Variants in IFT140 observed in about 807,000 individuals in gnomAD.
The protein encoded by IFT140 is intraflagellar transport protein 140 homolog.
In IFT140, 133 loss-of-function variants were observed where a neutral mutation model predicts 164.6. That is an observed-to-expected ratio of 0.81 (90% CI 0.70 to 0.93). IFT140 has a LOEUF of 0.93. Among genes scored for constraint, IFT140 ranks in the 40% least tolerant of loss-of-function variants. IFT140 has a pLI of 0.00. For synonymous variants in IFT140, 860 were observed against 817.3 expected, an observed-to-expected ratio of 1.05 and a Z score of -0.89; for missense variants, 2,045 against 1,972.3, an observed-to-expected ratio of 1.04 and a Z score of -0.70.
At position 1,520,880 on chromosome 16, in the gene IFT140, C is replaced by T. The variant is rs992276689; in HGVS notation, c.3454-72G>A. 75 of 1,418,416 alleles carry T rather than the reference C, an allele frequency of 5.3e-5. No individual in the cohort carries two copies. In the South Asian group the frequency reaches 7.6e-4, roughly 14 times the overall value. The allele number at this position is 1,418,416 out of a possible 1,614,324, so 87.9% of individuals were successfully genotyped here. On this transcript the variant is annotated intron_variant, in intron 26 of 30. Coordinates refer to ENST00000426508, the MANE Select transcript of IFT140 (RefSeq NM_014714.4). ...CTGAAGTGCGCCCCTCATCTGCCACCGCTTCAGAGGAAACCAGGCCCCTCG... is the reference window on the plus strand; with the variant it reads ...CTGAAGTGCGCCCCTCATCTGCCACTGCTTCAGAGGAAACCAGGCCCCTCG...
Position 1,572,512 on chromosome 16 carries a change from G to A in IFT140, c.1525-978C>T, listed in dbSNP as rs549165645. Among the ~76,000 whole-genome samples, 35 of 152,312 alleles carry A rather than the reference G, an allele frequency of 2.3e-4. 1 individual carries two copies. Among genetic ancestry groups the A allele is most frequent in the Admixed American group, 9.8e-4 (15 of 15,298 alleles). The stretch of plus-strand genomic sequence containing the variant: ...ATACAAAAAATTAGCCGGGTGTGGC[G>A]GTGGGTGCCTGTAGTCCCAGCTACT... On this transcript the variant is annotated intron_variant, in intron 13 of 30. Coordinates refer to ENST00000426508, the MANE Select transcript of IFT140 (RefSeq NM_014714.4).
At chr16:1,604,386 A>AAATT (rs1452019628) in intron 3 of IFT140, 1 of 152,238 alleles carries the variant, frequency 6.6e-6, no homozygotes, top group Admixed American at 6.6e-5. Context: ...TTAATTACAA[A>AAATT]AATGGATGAA....
rs186879907 is a variant in IFT140 at position 1,543,328 on chromosome 16, A to G, written c.2399+14607T>C. Among the ~76,000 whole-genome samples, 14 of 152,340 alleles carry G rather than the reference A, an allele frequency of 9.2e-5. No homozygotes were observed. The South Asian group carries it at 1.0e-3, about 11-fold the overall frequency. On this transcript the variant is annotated intron_variant, in intron 19 of 30. Transcript: ENST00000426508. Reference sequence around the variant, plus strand: ...GCCCTTATCTTTCTTAAGAAATACAATTTCCAGAAGGAGGCTGACAGACTG... The same window carrying G: ...GCCCTTATCTTTCTTAAGAAATACAGTTTCCAGAAGGAGGCTGACAGACTG...
rs948364759 is a variant in IFT140, at chr16:1,525,997, C to A, written c.2658G>T (p.Gln886His). 5.6e-6 allele frequency: 9 copies of A among 1,599,364 alleles called. No individual in the cohort carries two copies. Among genetic ancestry groups the A allele is most frequent in the African/African-American group, 1.3e-5 (1 of 74,644 alleles). ...NKFYQAAGRW[Q>H]EALQVAEHHD... is the part of the protein sequence containing the mutation. ...GGTGCTCGGCTACCTGGAGGGCCTCCTGCCACCGGCCCGCAGCCTGGTAGA... is the reference window on the plus strand; with the variant it reads ...GGTGCTCGGCTACCTGGAGGGCCTCATGCCACCGGCCCGCAGCCTGGTAGA... Residue 886 changes from glutamine (Q) to histidine (H), a missense_variant, in exon 21 of 31, where the codon CAG becomes CAT. Coordinates refer to ENST00000426508, the MANE Select transcript of IFT140 (RefSeq NM_014714.4).
At chr16:1,529,815 A>G (rs1355886355) in intron 19 of IFT140, among the ~76,000 whole-genome samples, 1 of 152,330 alleles carries the variant, frequency 6.6e-6, no homozygotes, top group Non-Finnish European at 1.5e-5. Context: ...ACACGCCTCA[A>G]GACTGGGGGT....
At chr16:1,525,141 C>T (rs911876101) in intron 22 of IFT140, 90 bp downstream of exon 22, 23 of 1,252,076 alleles carry the variant, frequency 1.8e-5, no homozygotes, top group Admixed American at 5.2e-5. Context: ...GCAGGAAGCA[C>T]GGGAAAGGGA....
chr16:1,525,814 A>G, intron 21 of IFT140, 73 bp downstream of exon 21: 1 of 1,388,430 alleles, frequency 7.2e-7, no homozygotes, highest in Non-Finnish European at 9.5e-7. Flanking sequence ...ACCTCACCAC[A>G]GCACACACAA....
chr16:1,609,088 G>C, intron 2 of IFT140, among the ~76,000 whole-genome samples: 1 of 152,068 alleles, frequency 6.6e-6, no homozygotes, highest in Non-Finnish European at 1.5e-5. Context: ...CCAGGAGGCG[G>C]AGGTTGCAGT....
Position 1,598,871 on chromosome 16 carries a change from G to A in IFT140, c.369+3499C>T, listed in dbSNP as rs1318553382. Among the ~76,000 whole-genome samples the A allele has an allele frequency of 2.7e-5, 4 of 150,934 alleles. No homozygotes were observed. The East Asian group carries it at 5.9e-4, about 22-fold the overall frequency. ...AAGTGAGGAGTGTCTCTGCCTGGCCGCCCATCGTCTGGGATGTGAGGAGCC... is the reference window on the plus strand; with the variant it reads ...AAGTGAGGAGTGTCTCTGCCTGGCCACCCATCGTCTGGGATGTGAGGAGCC... On this transcript the variant is annotated intron_variant, in intron 4 of 30. Coordinates refer to ENST00000426508, the MANE Select transcript of IFT140 (RefSeq NM_014714.4).
chr16:1,597,262 G>C (rs926759742), intron 4 of IFT140, among the ~76,000 whole-genome samples: 4 of 152,186 alleles, frequency 2.6e-5, no homozygotes, highest in East Asian at 3.9e-4. Flanking sequence ...CTACTGATGG[G>C]ACTTCTAAGG....
At chr16:1,567,143 C>G (rs1042469259) in intron 15 of IFT140, among the ~76,000 whole-genome samples, 4 of 152,196 alleles carry the variant, frequency 2.6e-5, no homozygotes, top group Non-Finnish European at 5.9e-5. Flanking sequence ...CCTGCCCTAC[C>G]CCTCCGCCAG....
At chr16:1,588,593 G>A (rs952805889) in intron 7 of IFT140, among the ~76,000 whole-genome samples, 2 of 151,290 alleles carry the variant, frequency 1.3e-5, no homozygotes, top group East Asian at 3.9e-4. Flanking sequence ...GGTGGCCATC[G>A]GTGGACATGC....
chr16:1,597,349 GC>G (rs1446585624), intron 4 of IFT140, among the ~76,000 whole-genome samples: 4 of 152,212 alleles, frequency 2.6e-5, no homozygotes, highest in Non-Finnish European at 5.9e-5. Flanking sequence ...TGGGCACTTG[GC>G]CCGAGCTGGA....
intron 18 of IFT140, 125 bp downstream of exon 18, chr16:1,561,860 G>T (rs1216721461): frequency 3.2e-6 from 3 of 927,422 alleles, no homozygotes; most frequent in African/African-American, 3.4e-5. Flanking sequence ...GCTGTCTACG[G>T]AGAGGGAAGC....
At chr16:1,582,630 G>A (rs959833125) in intron 12 of IFT140, among the ~76,000 whole-genome samples, 5 of 152,282 alleles carry the variant, frequency 3.3e-5, no homozygotes, top group African/African-American at 9.6e-5. Context: ...AAGGCCGGGC[G>A]CGGAGGCGCA....
In IFT140 at chr16:1,606,622, G is replaced by A. The variant is rs113127953; in HGVS notation, c.147+498C>T. On this transcript the variant is annotated intron_variant, in intron 3 of 30. Coordinates refer to ENST00000426508, the MANE Select transcript of IFT140 (RefSeq NM_014714.4). ...ATTACAAGCATGAGCCACCATGCCC[G>A]GCTAATTTTGTATTTTTAGTAGAGA... Among the ~76,000 whole-genome samples, 530 of 152,188 alleles carry A rather than the reference G, an allele frequency of 3.5e-3. 1 individual carries two copies. The highest frequency in any genetic ancestry group is 6.8e-3 in the Middle Eastern group (2 of 294).
intron 6 of IFT140, 132 bp downstream of exon 6, chr16:1,592,044 G>T: frequency 1.0e-6 from 1 of 992,358 alleles, no homozygotes; most frequent in Non-Finnish European, 1.5e-6. Context: ...CCTGGCACAC[G>T]TCATCTTTCT....
At chr16:1,593,006 G>C (rs1394019615) in intron 4 of IFT140, among the ~76,000 whole-genome samples, 1 of 151,376 alleles carries the variant, frequency 6.6e-6, no homozygotes, top group Non-Finnish European at 1.5e-5. Flanking sequence ...TGTCCTGGCA[G>C]AGTGACTGGT....
chr16:1,607,161 T>C lies in IFT140; in HGVS notation c.106A>G (p.Ser36Gly). 6.2e-7 allele frequency: 1 copy of C among 1,614,142 alleles called. No homozygotes were observed. The highest frequency in any genetic ancestry group is 8.5e-7 in the Non-Finnish European group (1 of 1,180,028). Residue 36 changes from serine to glycine, a missense_variant, in exon 3 of 31, where the codon AGC becomes GGC. Physicochemically the swap from Ser to Gly is moderately conservative, Grantham distance 56. Transcript: ENST00000426508. ...TCCACGCTGCCTGTTGAGGTTGTGC[T>C]GATGTAAGCAACTGCCAAGAATGGA... Reference protein sequence around the residue: ...VHPFLAVAYISTTSTGSVDIY... With the variant: ...VHPFLAVAYIGTTSTGSVDIY...
Sources: gnomAD v4.1 joint callset for allele counts (sites outside exome capture counted in the v4.1 genomes callset) on GRCh38, gnomAD v4.1.1 for gene constraint, MANE v1.5 for transcripts, NCBI Gene and HGNC (gene_info 2026-07-23, HGNC 2026-07-21) for gene names.